Variants in ZFP64 observed in about 807,000 individuals in gnomAD.
ZFP64 encodes ZFP64 zinc finger protein.
ZFP64 carries 14 observed loss-of-function variants against 51.6 expected under a neutral mutation model. The ratio of observed to expected loss-of-function variants is 0.27; its 90% confidence interval spans 0.18 to 0.42. The LOEUF is 0.42. ZFP64 is among the 10% of genes least tolerant of loss of function. The probability of loss-of-function intolerance (pLI) is 1.00; values close to 1 mark genes in which losing one functional copy is unlikely to be tolerated. For missense variants in ZFP64, 754 were observed against 906.8 expected (o/e 0.83, Z 2.16); for synonymous variants, 375 against 361.4 (o/e 1.04, Z -0.43).
chr20:52,172,442 A>T (rs2123066570), intron 2 of ZFP64, among the ~76,000 whole-genome samples: 1 of 152,202 alleles, frequency 6.6e-6, no homozygotes, highest in African/African-American at 2.4e-5. Context: ...AGTTCTTGAG[A>T]ATTCTCAGTG....
intron 5 of ZFP64, among the ~76,000 whole-genome samples, chr20:52,137,317 C>G (rs1032471250): frequency 1.3e-5 from 2 of 152,108 alleles, no homozygotes; most frequent in Non-Finnish European, 2.9e-5. Context: ...TTCCTGGTAA[C>G]ACCATCATTT....
At chr20:52,123,980 G>A (rs200742864) in intron 5 of ZFP64, among the ~76,000 whole-genome samples, 3 of 151,606 alleles carry the variant, frequency 2.0e-5, no homozygotes, top group East Asian at 1.9e-4. Flanking sequence ...CGCCATTCTC[G>A]TGCCTCAGCC....
chr20:52,110,967 G>T (rs1418002354), intron 5 of ZFP64: 2 of 1,523,798 alleles, frequency 1.3e-6, no homozygotes, highest in African/African-American at 1.4e-5. Flanking sequence ...TCACCAAGAC[G>T]AACCTGCTTT....
exon 7 of ZFP64, chr20:52,097,420 G>A: frequency 6.2e-7 from 1 of 1,606,306 alleles, no homozygotes; most frequent in South Asian, 1.1e-5. Context: ...GCCATGGACA[G>A]TTTTGAAGTG....
At chr20:52,164,943 A>C (rs1982129596) in intron 3 of ZFP64, 186 bp from the exon 4 acceptor site, 2 of 691,710 alleles carry the variant, frequency 2.9e-6, no homozygotes, top group Non-Finnish European at 5.3e-6. Context: ...GGTTCCTGCC[A>C]AAACTGCATA....
chr20:52,084,617 G>T lies in ZFP64; in HGVS notation c.1878C>A (p.Leu626=), dbSNP rs761617382. Reference sequence around the variant, plus strand: ...GCTGCCCCACGGAGACCAGGGTGCTGAGCTGTCCCGAGGCACCGCTTTCCG... The same window carrying T: ...GCTGCCCCACGGAGACCAGGGTGCTTAGCTGTCCCGAGGCACCGCTTTCCG... The change falls in exon 9 of 9, where the codon CTC becomes CTA. Residue 626 remains leucine (L), a synonymous_variant. Coordinates refer to the ZFP64 transcript ENST00000361387. 2.5e-6 allele frequency: 4 copies of T among 1,614,168 alleles called. No homozygotes were observed. The South Asian group carries it at 4.4e-5, about 18-fold the overall frequency.
At chr20:52,166,350 G>A (rs978831408) in intron 2 of ZFP64, among the ~76,000 whole-genome samples, 5 of 152,172 alleles carry the variant, frequency 3.3e-5, no homozygotes, top group Non-Finnish European at 4.4e-5. Context: ...ATGCTGGAGT[G>A]ATGATGTGAT....
At chr20:52,175,120 G>T (rs1983078961) in intron 2 of ZFP64, among the ~76,000 whole-genome samples, 1 of 151,750 alleles carries the variant, frequency 6.6e-6, no homozygotes, top group African/African-American at 2.4e-5. Context: ...ACTATCTTTT[G>T]TTTTGTTTTG....
downstream of ZFP64, among the ~76,000 whole-genome samples, chr20:52,149,473 T>A (rs1980685449): frequency 6.6e-6 from 1 of 152,196 alleles, no homozygotes; most frequent in South Asian, 2.1e-4. Context: ...TCAAAGCAAG[T>A]TGCAGAGAAA....
chr20:52,104,852 T>C (rs1273476908), intron 5 of ZFP64: 1 of 655,388 alleles, frequency 1.5e-6, no homozygotes, highest in Non-Finnish European at 2.8e-6. Context: ...AGGGGTCCTC[T>C]GAGCATCCTT....
intron 2 of ZFP64, among the ~76,000 whole-genome samples, chr20:52,172,959 T>C (rs1982876802): frequency 6.6e-6 from 1 of 152,208 alleles, no homozygotes; most frequent in Non-Finnish European, 1.5e-5. Context: ...CAGGGGCATA[T>C]TCAGTTATTT....
intron 7 of ZFP64, chr20:52,096,922 A>T (rs1384024914): frequency 2.6e-6 from 1 of 384,904 alleles, no homozygotes; most frequent in Non-Finnish European, 5.2e-6. Context: ...ATAGTATTTT[A>T]GGCTTTGTGC....
downstream of ZFP64, among the ~76,000 whole-genome samples, chr20:52,149,802 G>A (rs894601290): frequency 3.9e-5 from 6 of 152,154 alleles, no homozygotes; most frequent in Admixed American, 1.3e-4. Context: ...AAGGCAGCTG[G>A]TAGGTAGAGA....
At chr20:52,128,608 T>C (rs1979558162) in intron 5 of ZFP64, among the ~76,000 whole-genome samples, 1 of 152,216 alleles carries the variant, frequency 6.6e-6, no homozygotes, top group African/African-American at 2.4e-5. Context: ...AACTTGTTAT[T>C]CTTGGAAAAC....
intron 5 of ZFP64, among the ~76,000 whole-genome samples, chr20:52,100,951 C>T (rs777411744): frequency 9.2e-5 from 14 of 152,150 alleles, no homozygotes; most frequent in Non-Finnish European, 2.1e-4. Flanking sequence ...CAGTTGTGCT[C>T]GAAGCCCCTT....
chr20:52,122,708 C>T (rs375002788), intron 5 of ZFP64, among the ~76,000 whole-genome samples: 95 of 152,122 alleles, frequency 6.2e-4, no homozygotes, highest in African/African-American at 2.0e-3. Context: ...CAAATGTCAT[C>T]GATGACTTTG....
intron 2 of ZFP64, among the ~76,000 whole-genome samples, chr20:52,177,972 C>T (rs1600810577): frequency 6.7e-6 from 1 of 148,792 alleles, no homozygotes; most frequent in East Asian, 2.0e-4. Flanking sequence ...GCAGAGGTTG[C>T]AGTGAGCCGA....
intron 5 of ZFP64, among the ~76,000 whole-genome samples, chr20:52,145,184 G>A (rs80068408): frequency 0.035 from 5,361 of 152,318 alleles, 142 homozygotes; most frequent in Non-Finnish European, 0.055. Context: ...GAGACCAGCT[G>A]CATGTATGTG....
chr20:52,167,009 G>A (rs184450055), intron 2 of ZFP64, among the ~76,000 whole-genome samples: 2 of 151,860 alleles, frequency 1.3e-5, no homozygotes, highest in East Asian at 3.9e-4. Flanking sequence ...AAAAAAAATA[G>A]CAAAACACAG....
Sources: allele counts gnomAD v4.1 joint callset (sites outside exome capture counted in the v4.1 genomes callset), GRCh38; gene constraint gnomAD v4.1.1; transcripts MANE v1.5; gene names NCBI Gene and HGNC (gene_info 2026-07-23, HGNC 2026-07-21).